Variants in SEC24A observed in about 807,000 individuals in gnomAD.
The protein encoded by SEC24A is protein transport protein Sec24A.
Under a neutral mutation model 129.4 loss-of-function variants are expected in SEC24A, and 93 were observed. That is an observed-to-expected ratio of 0.72 (90% CI 0.61 to 0.85). The LOEUF (loss-of-function observed/expected upper bound fraction) is 0.85, where lower values mean the gene tolerates loss of function less well. Ranked by LOEUF, SEC24A falls within the 40% of genes least tolerant of loss-of-function variation. The pLI is 0.00. For missense variants in SEC24A, 1,264 were observed against 1,307.4 expected (o/e 0.97, Z 0.51); for synonymous variants, 460 against 467.3 (o/e 0.98, Z 0.20).
In SEC24A at chr5:134,705,412, A is replaced by G; in HGVS notation, c.2526A>G (p.Ala842=). The part of the protein sequence containing the change: ...NDVFLGADVQ[A]ISGLLANMAV... ...TCTTTCTTGGAGCTGATGTTCAAGC[A>G]ATTTCAGGGTTATTGGCCAATATGG... Residue 842 remains alanine, a synonymous_variant, in exon 17 of 23, where the codon GCA becomes GCG. Coordinates refer to ENST00000398844, the MANE Select transcript of SEC24A (RefSeq NM_021982.3). The G allele has an allele frequency of 1.2e-6, 2 of 1,612,572 alleles. No homozygotes were observed. The highest frequency in any genetic ancestry group is 1.3e-5 in the African/African-American group (1 of 75,016).
rs566900074 is a variant in SEC24A, at chr5:134,693,557, T to C, written c.1780-170T>C. On this transcript the variant is annotated intron_variant, in intron 12 of 22. Transcript: ENST00000398844. Reference sequence around the variant, plus strand: ...ATTTGTCTTGCTTGCCAATTTATAATGTTGACTTAAAATGGCTTTCTTGTC... The same window carrying C: ...ATTTGTCTTGCTTGCCAATTTATAACGTTGACTTAAAATGGCTTTCTTGTC... The C allele has an allele frequency of 7.7e-6, 11 of 1,431,508 alleles. No homozygotes were observed. In the African/African-American group the frequency reaches 8.6e-5, roughly 11 times the overall value. The allele number at this position is 1,431,508 out of a possible 1,614,324, so 88.7% of individuals were successfully genotyped here. A position where few individuals can be genotyped will look rare whatever the true frequency, so the allele number is the denominator to read the frequency against.
chr5:134,653,235 G>A (rs927951314), intron 1 of SEC24A, among the ~76,000 whole-genome samples: 1 of 151,758 alleles, frequency 6.6e-6, no homozygotes, highest in Non-Finnish European at 1.5e-5. Flanking sequence ...CACCATACCC[G>A]TTCCAGTTTC....
intron 19 of SEC24A, among the ~76,000 whole-genome samples, chr5:134,716,057 C>T (rs1161577334): frequency 1.3e-5 from 2 of 152,018 alleles, no homozygotes; most frequent in African/African-American, 4.8e-5. Context: ...CATTGTTTTC[C>T]TTTGGTAGAA....
At chr5:134,699,260 T>C (rs565472546) in intron 15 of SEC24A, among the ~76,000 whole-genome samples, 4 of 151,324 alleles carry the variant, frequency 2.6e-5, no homozygotes, top group Non-Finnish European at 4.4e-5. Context: ...TTTTTTTTTT[T>C]ACTTGTAAAA....
chr5:134,698,630 GT>G (rs1212106367), intron 15 of SEC24A, among the ~76,000 whole-genome samples: 932 of 120,462 alleles, frequency 7.7e-3, no homozygotes, highest in Middle Eastern at 0.014. Context: ...ATAGAGTCTT[GT>G]TTTTTTTTTT....
chr5:134,691,784 C>T (rs1424402307), intron 11 of SEC24A, among the ~76,000 whole-genome samples: 2 of 152,070 alleles, frequency 1.3e-5, no homozygotes, highest in East Asian at 3.9e-4. Context: ...CGTGCCCGGC[C>T]GACCTTCTTT....
intron 15 of SEC24A, 49 bp from the exon 16 acceptor site, chr5:134,703,710 T>C: frequency 8.4e-7 from 1 of 1,195,676 alleles, no homozygotes; most frequent in Non-Finnish European, 1.2e-6. Context: ...AATGTAAATA[T>C]CAGTATGTAG....
chr5:134,672,929 G>A (rs1203378936), intron 4 of SEC24A, among the ~76,000 whole-genome samples: 1 of 151,352 alleles, frequency 6.6e-6, no homozygotes, highest in Admixed American at 6.6e-5. Context: ...GAGATGGGGG[G>A]GTGGGTCTCA....
intron 3 of SEC24A, among the ~76,000 whole-genome samples, chr5:134,671,562 T>C (rs1750863175): frequency 6.6e-6 from 1 of 152,162 alleles, no homozygotes; most frequent in Admixed American, 6.6e-5. Context: ...GCCTTTGGCT[T>C]AGGTACAATG....
intron 9 of SEC24A, among the ~76,000 whole-genome samples, chr5:134,685,200 GTC>G (rs1178222680): frequency 6.6e-6 from 1 of 151,878 alleles, no homozygotes; most frequent in Non-Finnish European, 1.5e-5. Context: ...CGAGACCCAA[GTC>G]TCTGCAAAAA....
intron 21 of SEC24A, among the ~76,000 whole-genome samples, chr5:134,721,379 A>G (rs2150114687): frequency 6.7e-6 from 1 of 150,088 alleles, no homozygotes; most frequent in South Asian, 2.1e-4. Flanking sequence ...CCTGGCCAAC[A>G]TGGTGAACCC....
intron 21 of SEC24A, 68 bp downstream of exon 21, chr5:134,721,158 A>C (rs1752617216): frequency 1.1e-6 from 1 of 879,970 alleles, no homozygotes; most frequent in African/African-American, 1.7e-5. Flanking sequence ...AATATCCCCT[A>C]TTTTGATATC....
At chr5:134,649,847 C>T (rs1170938294) in intron 1 of SEC24A, among the ~76,000 whole-genome samples, 2 of 152,164 alleles carry the variant, frequency 1.3e-5, no homozygotes, top group South Asian at 2.1e-4. Context: ...GTGAGAATGT[C>T]TTATAATTTT....
Position 134,708,751 on chromosome 5 carries a change from CG to C in SEC24A, c.2593del (p.Asp865MetfsTer3), listed in dbSNP as rs1290749553. ...RSMTASLSDA[R>X]DALVNAVIDS... ...TATGACTGCCAGTCTGAGTGACGCT[CG>C]GGATGCTCTAGTGAATGCAGTCATT... On this transcript the variant is annotated frameshift_variant, in exon 18 of 23. Transcript: ENST00000398844. LOFTEE classifies it high-confidence loss of function. The C allele has an allele frequency of 6.2e-7, 1 of 1,613,996 alleles. No homozygotes were observed. The highest frequency in any genetic ancestry group is 8.5e-7 in the Non-Finnish European group (1 of 1,180,024).
At chr5:134,700,575 AAAG>A (rs1357570646) in intron 15 of SEC24A, among the ~76,000 whole-genome samples, 1 of 151,832 alleles carries the variant, frequency 6.6e-6, no homozygotes, top group Non-Finnish European at 1.5e-5. Flanking sequence ...ACAAAAAAAA[AAAG>A]ATAAAGATCC....
rs1750464767 is a variant in SEC24A at position 134,661,594 on chromosome 5, T to C, written c.565+8T>C. ...ATAGCTTCATAAAGTCAGGTAGTAT[T>C]CTTATAGAAGTGCTTAAAATGTAGA... On this transcript the variant is annotated splice_region_variant and intron_variant, in intron 2 of 22. Transcript: ENST00000398844. 6.3e-7 allele frequency: 1 copy of C among 1,593,868 alleles called. No individual in the cohort carries two copies. Among genetic ancestry groups the C allele is most frequent in the East Asian group, 2.2e-5 (1 of 44,790 alleles).
chr5:134,698,372 G>GT (rs1751895807), intron 15 of SEC24A, among the ~76,000 whole-genome samples: 1 of 152,210 alleles, frequency 6.6e-6, no homozygotes, highest in East Asian at 1.9e-4. Flanking sequence ...GGGAGGCCAA[G>GT]GCTGGTGGAT....
intron 7 of SEC24A, among the ~76,000 whole-genome samples, chr5:134,677,221 G>A (rs1375446188): frequency 6.6e-6 from 1 of 152,024 alleles, no homozygotes; most frequent in Non-Finnish European, 1.5e-5. Flanking sequence ...AAGGTGGGAG[G>A]ATCACTTGAG....
intron 19 of SEC24A, 52 bp downstream of exon 19, chr5:134,715,213 C>T (rs1325148008): frequency 2.1e-5 from 30 of 1,437,102 alleles, no homozygotes; most frequent in Non-Finnish European, 2.9e-5. Context: ...TAAGCCTAAT[C>T]ATAGTCCAGT....
Sources: gnomAD v4.1 joint callset for allele counts (sites outside exome capture counted in the v4.1 genomes callset) on GRCh38, gnomAD v4.1.1 for gene constraint, MANE v1.5 for transcripts, NCBI Gene and HGNC (gene_info 2026-07-23, HGNC 2026-07-21) for gene names.